The following GPHN variants were observed in gnomAD, a reference collection of about 807,000 sequenced individuals.
The protein encoded by GPHN is gephyrin.
A neutral mutation model predicts 95.5 loss-of-function variants in GPHN; 17 were observed. The observed-to-expected ratio is 0.18, with a 90% confidence interval of 0.12 to 0.27. The LOEUF (loss-of-function observed/expected upper bound fraction) is 0.27, where lower values mean the gene tolerates loss of function less well. GPHN is among the 10% of genes least tolerant of loss of function. The pLI, the probability that GPHN is intolerant of heterozygous loss-of-function variation, is 1.00. For missense variants in GPHN, 660 were observed against 978.1 expected, an observed-to-expected ratio of 0.67 and a Z score of 4.34; for synonymous variants, 320 against 322.5, an observed-to-expected ratio of 0.99 and a Z score of 0.08.
At chr14:67,235,798 T>C in the GPHN span, among the ~76,000 whole-genome samples, 7 of 152,244 alleles carry the variant, frequency 4.6e-5, no homozygotes, top group East Asian at 1.4e-3. Flanking sequence ...TGGGTACAAA[T>C]AAAAGAATGA....
At chr14:67,521,263 A>C in the GPHN span, among the ~76,000 whole-genome samples, 1 of 152,268 alleles carries the variant, frequency 6.6e-6, no homozygotes, top group African/African-American at 2.4e-5. Context: ...AGACTTCTGT[A>C]TAGCTGTGAG....
chr14:66,689,923 T>G (rs1359368800), intron 2 of GPHN, among the ~76,000 whole-genome samples: 1 of 152,032 alleles, frequency 6.6e-6, no homozygotes, highest in African/African-American at 2.4e-5. Flanking sequence ...TTATCTTGGT[T>G]TATTTGGGTC....
At chr14:67,597,119 G>A in the GPHN span, among the ~76,000 whole-genome samples, 1 of 152,214 alleles carries the variant, frequency 6.6e-6, no homozygotes, top group African/African-American at 2.4e-5. Flanking sequence ...GTTGTAGAAA[G>A]AAAGAAAAGA....
intron 4 of GPHN, among the ~76,000 whole-genome samples, chr14:66,836,181 G>A (rs957293682): frequency 1.7e-4 from 22 of 130,930 alleles, no homozygotes; most frequent in Non-Finnish European, 2.6e-4. Flanking sequence ...CACACTACCT[G>A]ACTTCAAACT....
intron 18 of GPHN, among the ~76,000 whole-genome samples, chr14:67,147,662 A>G (rs1380460565): frequency 1.3e-5 from 2 of 152,150 alleles, no homozygotes; most frequent in Non-Finnish European, 2.9e-5. Flanking sequence ...TCAGCCTCCC[A>G]AAGTGCTGGG....
At chr14:66,718,655 G>A (rs925090695) in intron 2 of GPHN, among the ~76,000 whole-genome samples, 2 of 152,078 alleles carry the variant, frequency 1.3e-5, no homozygotes, top group Admixed American at 6.5e-5. Flanking sequence ...GACACAGAGT[G>A]CTGATTGGTG....
the GPHN span, among the ~76,000 whole-genome samples, chr14:67,716,483 A>G: frequency 6.6e-6 from 1 of 152,168 alleles, no homozygotes; most frequent in Non-Finnish European, 1.5e-5. Flanking sequence ...ACGCTTCTTG[A>G]TTTTCCATGA....
intron 1 of GPHN, among the ~76,000 whole-genome samples, chr14:66,591,734 A>C (rs1595121387): frequency 1.3e-5 from 2 of 152,206 alleles, no homozygotes; most frequent in East Asian, 3.8e-4. Flanking sequence ...TACTGCCCAA[A>C]GTAATTTATA....
chr14:66,999,679 C>T (rs1319426137), intron 9 of GPHN, among the ~76,000 whole-genome samples: 2 of 151,872 alleles, frequency 1.3e-5, no homozygotes, highest in East Asian at 1.9e-4. Context: ...TCATCTTTCA[C>T]GTTTCTAACT....
intron 17 of GPHN, among the ~76,000 whole-genome samples, chr14:67,139,438 C>G (rs1310371168): frequency 1.3e-5 from 2 of 152,094 alleles, no homozygotes; most frequent in African/African-American, 4.8e-5. Context: ...AGGGTCCGTT[C>G]TCATTAGACT....
chr14:67,510,618 T>C, the GPHN span, among the ~76,000 whole-genome samples: 1 of 152,116 alleles, frequency 6.6e-6, no homozygotes, highest in African/African-American at 2.4e-5. Context: ...TGTTGCCCAG[T>C]GGTAATGATA....
Position 67,057,843 on chromosome 14 carries a change from G to A in GPHN, c.1007-806G>A, listed in dbSNP as rs1478074344. 2.0e-5 allele frequency among the ~76,000 whole-genome samples: 3 copies of A among 152,252 alleles called. No homozygotes were observed. The East Asian group carries it at 5.8e-4, about 29-fold the overall frequency. Reference sequence around the variant, plus strand: ...AAAATGCAGTCAGTAAATATTTGTTGAATGGGTATGTGTATCACTGATCAT... The same window carrying A: ...AAAATGCAGTCAGTAAATATTTGTTAAATGGGTATGTGTATCACTGATCAT... On this transcript the variant is annotated intron_variant, in intron 10 of 22. Coordinates refer to ENST00000478722, the MANE Select transcript of GPHN (RefSeq NM_020806.5).
In GPHN at chr14:67,137,943, A is replaced by G. The variant is rs566101558; in HGVS notation, c.1749-5419A>G. On this transcript the variant is annotated intron_variant, in intron 17 of 22. Transcript: ENST00000478722. ...TATACCTAGAAAACTTAATCTGCTTAATCCAATAGCCCCTCTAGTGGCAGT... is the reference window on the plus strand; with the variant it reads ...TATACCTAGAAAACTTAATCTGCTTGATCCAATAGCCCCTCTAGTGGCAGT... 1.4e-4 allele frequency among the ~76,000 whole-genome samples: 21 copies of G among 152,312 alleles called. No individual in the cohort carries two copies. The East Asian group carries it at 4.1e-3, about 29-fold the overall frequency.
At chr14:67,011,752 A>G (rs1301982930) in intron 9 of GPHN, among the ~76,000 whole-genome samples, 1 of 150,644 alleles carries the variant, frequency 6.6e-6, no homozygotes, top group Non-Finnish European at 1.5e-5. Context: ...GTATAACTTT[A>G]ATGATTTTCA....
intron 3 of GPHN, among the ~76,000 whole-genome samples, chr14:66,806,188 C>T (rs556216083): frequency 7.9e-5 from 12 of 152,190 alleles, no homozygotes; most frequent in Non-Finnish European, 1.2e-4. Flanking sequence ...TTGAGCTCTA[C>T]GTTGTCCCCT....
the GPHN span, among the ~76,000 whole-genome samples, chr14:67,476,302 T>C: frequency 1.0e-3 from 157 of 152,310 alleles, no homozygotes; most frequent in African/African-American, 3.7e-3. Flanking sequence ...TAATTAAAAT[T>C]CAGGCTGGGC....
At chr14:67,136,964 A>T (rs547438087) in intron 17 of GPHN, among the ~76,000 whole-genome samples, 5 of 152,066 alleles carry the variant, frequency 3.3e-5, no homozygotes, top group Non-Finnish European at 7.4e-5. Flanking sequence ...GGAGTTCAAG[A>T]CCAGCCTGGC....
the GPHN span, among the ~76,000 whole-genome samples, chr14:67,209,818 G>A: frequency 3.0e-5 from 4 of 132,398 alleles, no homozygotes; most frequent in African/African-American, 5.6e-5. Context: ...ACTCCATCTC[G>A]GAAAAAAAAA....
intron 2 of GPHN, among the ~76,000 whole-genome samples, chr14:66,717,823 T>C (rs2070334034): frequency 6.6e-6 from 1 of 152,204 alleles, no homozygotes; most frequent in South Asian, 2.1e-4. Context: ...AGGCTTGTAC[T>C]AGGGGTTGTC....
Sources: allele counts gnomAD v4.1 joint callset (sites outside exome capture counted in the v4.1 genomes callset), GRCh38; gene constraint gnomAD v4.1.1; transcripts MANE v1.5; gene names NCBI Gene and HGNC (gene_info 2026-07-23, HGNC 2026-07-21).